The following KIR3DL2 variants were observed in gnomAD, a reference collection of about 807,000 sequenced individuals.
KIR3DL2 encodes killer cell immunoglobulin-like receptor 3DL2.
A neutral mutation model predicts 41.6 loss-of-function variants in KIR3DL2; 42 were observed. The observed-to-expected ratio is 1.01, with a 90% confidence interval of 0.79 to 1.31. The LOEUF (loss-of-function observed/expected upper bound fraction) is 1.31, where lower values mean the gene tolerates loss of function less well. Among genes scored for constraint, KIR3DL2 ranks in the 50% most tolerant of loss-of-function variants. The pLI, the probability that KIR3DL2 is intolerant of heterozygous loss-of-function variation, is 0.00. For synonymous variants in KIR3DL2, 230 were observed against 221.3 expected, an observed-to-expected ratio of 1.04 and a Z score of -0.35; for missense variants, 728 against 576.8, an observed-to-expected ratio of 1.26 and a Z score of -2.68.
chr19:54,855,581 A>G (rs1260491747), intron 4 of KIR3DL2, 38 bp from the exon 5 acceptor site: 40 of 1,602,394 alleles, frequency 2.5e-5, no homozygotes, highest in Non-Finnish European at 3.3e-5. Context: ...TGTGACAAGG[A>G]AGAACCTCCC....
intron 5 of KIR3DL2, among the ~76,000 whole-genome samples, chr19:54,858,664 G>A (rs1324434725): frequency 6.6e-6 from 1 of 151,322 alleles, no homozygotes. Flanking sequence ...GGAAGTGGAG[G>A]TTGCATTGAG....
At chr19:54,854,734 C>G (rs1487594009) in intron 4 of KIR3DL2, among the ~76,000 whole-genome samples, 2 of 151,504 alleles carry the variant, frequency 1.3e-5, no homozygotes, top group Non-Finnish European at 2.9e-5. Flanking sequence ...GATTGAGAGA[C>G]TCACAGACAC....
chr19:54,852,013 C>G lies in KIR3DL2; in HGVS notation c.86C>G (p.Pro29Arg). ...AWPLMGGQDK[P>R]FLSARPSTVV... Reference sequence around the variant, plus strand: ...TCTCCCCCAGGTGGTCAGGACAAACCCTTCCTGTCTGCCCGGCCCAGCACT... The same window carrying G: ...TCTCCCCCAGGTGGTCAGGACAAACGCTTCCTGTCTGCCCGGCCCAGCACT... Residue 29 changes from proline to arginine, a missense_variant, in exon 3 of 9, where the codon CCC becomes CGC. Transcript: ENST00000326321. 1 of 1,610,504 alleles carries G rather than the reference C, an allele frequency of 6.2e-7. No homozygotes were observed. The highest frequency in any genetic ancestry group is 1.3e-5 in the African/African-American group (1 of 74,448).
intron 1 of KIR3DL2, among the ~76,000 whole-genome samples, chr19:54,850,769 AT>A (rs2064138516): frequency 1.1e-5 from 1 of 89,154 alleles, no homozygotes; most frequent in African/African-American, 5.5e-5. Flanking sequence ...GAGTGGAGAT[AT>A]GGGCCTGCAG....
rs1245950741 is a variant in KIR3DL2, at chr19:54,857,463, G to A, written c.949+1551G>A. Among the ~76,000 whole-genome samples the A allele has an allele frequency of 1.2e-4, 18 of 151,420 alleles. 1 individual carries two copies. Among genetic ancestry groups the A allele is most frequent in the Admixed American group, 1.2e-3 (18 of 15,246 alleles). On this transcript the variant is annotated intron_variant, in intron 5 of 8. Transcript: ENST00000326321. ...GTACTAATTTACATTCCTACCAACAGGGTACCAGGGTTCTCCTTTCTCTAC... is the reference window on the plus strand; with the variant it reads ...GTACTAATTTACATTCCTACCAACAAGGTACCAGGGTTCTCCTTTCTCTAC...
chr19:54,853,545 T>A (rs1351081875), intron 3 of KIR3DL2, among the ~76,000 whole-genome samples: 7 of 151,362 alleles, frequency 4.6e-5, no homozygotes, highest in African/African-American at 1.5e-4. Context: ...AGTCAGGGGC[T>A]ACTGGAGACA....
chr19:54,856,424 T>A (rs2064784189), intron 5 of KIR3DL2, among the ~76,000 whole-genome samples: 1 of 151,866 alleles, frequency 6.6e-6, no homozygotes, highest in Non-Finnish European at 1.5e-5. Flanking sequence ...TTCACGGTTG[T>A]AATCTTGGCG....
Position 54,866,884 on chromosome 19 carries a change from C to T in KIR3DL2, c.*153C>T, listed in dbSNP as rs2065572491. Reference sequence around the variant, plus strand: ...TCTTGCTTACAAATGCCTAAGGTCGCCACTGCCTGCTGCAGAGAAAACACA... The same window carrying T: ...TCTTGCTTACAAATGCCTAAGGTCGTCACTGCCTGCTGCAGAGAAAACACA... On this transcript the variant is annotated 3_prime_UTR_variant, in exon 9 of 9. Coordinates refer to ENST00000326321, the MANE Select transcript of KIR3DL2 (RefSeq NM_006737.4). The T allele has an allele frequency of 1.2e-6, 1 of 852,854 alleles. No homozygotes were observed. The highest frequency in any genetic ancestry group is 1.7e-5 in the African/African-American group (1 of 58,292). 52.8% of individuals were successfully genotyped at this position (852,854 alleles called of 1,614,324 possible).
In KIR3DL2 at chr19:54,856,143, G is replaced by A. The variant is rs1440618048; in HGVS notation, c.949+231G>A. Among the ~76,000 whole-genome samples the A allele has an allele frequency of 9.9e-5, 15 of 151,474 alleles. 1 individual carries two copies. Among genetic ancestry groups the A allele is most frequent in the African/African-American group, 2.4e-4 (10 of 41,010 alleles). ...AGGCACCCAGGCAGATGGAGAAAGC[G>A]GTCAGGACAGACCCAGAGAAGGGGA... On this transcript the variant is annotated intron_variant, in intron 5 of 8. Transcript: ENST00000326321.
Position 54,850,448 on chromosome 19 carries a change from G to C in KIR3DL2, c.-28G>C. Reference sequence around the variant, plus strand: ...GTGCGCTGCTGAGCTGAGCTGGGGCGCGGCCTCCTGTCTGCACCGGCAGCA... The same window carrying C: ...GTGCGCTGCTGAGCTGAGCTGGGGCCCGGCCTCCTGTCTGCACCGGCAGCA... On this transcript the variant is annotated 5_prime_UTR_variant, in exon 1 of 9. Transcript: ENST00000326321. The C allele has an allele frequency of 6.2e-7, 1 of 1,608,206 alleles. No homozygotes were observed. Among genetic ancestry groups the C allele is most frequent in the Non-Finnish European group, 8.5e-7 (1 of 1,179,870 alleles).
chr19:54,865,293 G>A (rs2065426582), intron 6 of KIR3DL2, among the ~76,000 whole-genome samples: 1 of 152,116 alleles, frequency 6.6e-6, no homozygotes, highest in African/African-American at 2.4e-5. Flanking sequence ...TCCTGTGACG[G>A]CCTCAGGCTG....
At chr19:54,853,170 A>G (rs2064433549) in intron 3 of KIR3DL2, among the ~76,000 whole-genome samples, 1 of 151,606 alleles carries the variant, frequency 6.6e-6, no homozygotes. Context: ...CTACCGTGGG[A>G]TCAGCAAGGG....
At chr19:54,851,942 G>A in intron 2 of KIR3DL2, 56 bp from the exon 3 acceptor site, 1 of 1,584,394 alleles carries the variant, frequency 6.3e-7, no homozygotes. Flanking sequence ...TGAGCACAGG[G>A]AGGGAGGGGT....
At position 54,852,059 on chromosome 19, in the gene KIR3DL2, C is replaced by T. The variant is rs961542457; in HGVS notation, c.132C>T (p.His44=). 14 of 1,612,192 alleles carry T rather than the reference C, an allele frequency of 8.7e-6. No homozygotes were observed. The highest frequency in any genetic ancestry group is 4.5e-5 in the East Asian group (2 of 44,822). ...RPSTVVPRGG[H]VALQCHYRRG... The stretch of plus-strand genomic sequence containing the variant: ...GCACTGTGGTGCCTCGAGGAGGACA[C>T]GTGGCTCTTCAGTGTCACTATCGTC... Residue 44 remains histidine, a synonymous_variant, in exon 3 of 9, where the codon CAC becomes CAT. Coordinates refer to ENST00000326321, the MANE Select transcript of KIR3DL2 (RefSeq NM_006737.4).
chr19:54,854,070 T>C (rs745911671), intron 4 of KIR3DL2, 24 bp downstream of exon 4: 5 of 1,610,012 alleles, frequency 3.1e-6, no homozygotes, highest in South Asian at 1.1e-5. Context: ...GACATTCTTC[T>C]CATTGTCATT....
In KIR3DL2 at chr19:54,866,779, C is replaced by T. The variant is rs758824254; in HGVS notation, c.*48C>T. On this transcript the variant is annotated 3_prime_UTR_variant, in exon 9 of 9. Transcript: ENST00000326321. ...AACCAGGTTGCCAGATCCAATGAAC[C>T]AGCAGCTGGAATCTGAAGGCATCAG... 2.5e-6 allele frequency: 4 copies of T among 1,588,204 alleles called. No individual in the cohort carries two copies. The South Asian group carries it at 3.3e-5, about 13-fold the overall frequency.
intron 5 of KIR3DL2, 118 bp downstream of exon 5, chr19:54,856,030 T>C: frequency 2.4e-6 from 3 of 1,265,504 alleles, no homozygotes; most frequent in Non-Finnish European, 3.3e-6. Flanking sequence ...AGACTGGGTG[T>C]GAGGGGGGGG....
At chr19:54,861,349 A>G (rs1451720004) in intron 6 of KIR3DL2, among the ~76,000 whole-genome samples, 1 of 152,128 alleles carries the variant, frequency 6.6e-6, no homozygotes, top group Non-Finnish European at 1.5e-5. Flanking sequence ...GGGACCTAGT[A>G]TAGCATAATA....
In KIR3DL2 at chr19:54,866,601, G is replaced by T; in HGVS notation, c.1238G>T (p.Arg413Leu). 1.2e-6 allele frequency: 2 copies of T among 1,613,864 alleles called. No homozygotes were observed. The highest frequency in any genetic ancestry group is 1.7e-6 in the Non-Finnish European group (2 of 1,179,954). Residue 413 changes from arginine (R) to leucine (L), a missense_variant, in exon 9 of 9, where the codon CGC becomes CTC. Transcript: ENST00000326321. ...GTTTTCATACAGAGAAAAATCAGTC[G>T]CCCTTCTCAGAGGCCCAAGACACCC... ...HCVFIQRKIS[R>L]PSQRPKTPLT... is the part of the protein sequence containing the mutation.
Sources: allele counts gnomAD v4.1 joint callset (sites outside exome capture counted in the v4.1 genomes callset), GRCh38; gene constraint gnomAD v4.1.1; transcripts MANE v1.5; gene names NCBI Gene and HGNC (gene_info 2026-07-23, HGNC 2026-07-21).